ADAM10: variants seen among roughly 807,000 people sequenced by gnomAD.
ADAM10 encodes ADAM metallopeptidase domain 10.
Under a neutral mutation model 90.1 loss-of-function variants are expected in ADAM10, and 17 were observed. That is an observed-to-expected ratio of 0.19 (90% confidence interval 0.13 to 0.28). ADAM10 has a LOEUF of 0.28. Ranked by LOEUF, ADAM10 falls within the 10% of genes least tolerant of loss-of-function variation. The pLI, the probability that ADAM10 is intolerant of heterozygous loss-of-function variation, is 1.00. For synonymous variants in ADAM10, 310 were observed against 298.6 expected, an observed-to-expected ratio of 1.04 and a Z score of -0.40; for missense variants, 610 against 914.3, an observed-to-expected ratio of 0.67 and a Z score of 4.29.
At chr15:58,666,539 C>G (rs1315211856) in intron 4 of ADAM10, among the ~76,000 whole-genome samples, 1 of 151,848 alleles carries the variant, frequency 6.6e-6, no homozygotes, top group East Asian at 2.0e-4. Flanking sequence ...TAAAACTGAC[C>G]ATGCAAGCTG....
chr15:58,620,831 G>A (rs1895761652), intron 11 of ADAM10, among the ~76,000 whole-genome samples: 1 of 85,662 alleles, frequency 1.2e-5, no homozygotes, highest in Non-Finnish European at 1.9e-5. Context: ...ACCGCGCCCG[G>A]CTAATTTTTT....
chr15:58,723,475 A>T (rs565422285), intron 1 of ADAM10, among the ~76,000 whole-genome samples: 2 of 152,126 alleles, frequency 1.3e-5, no homozygotes, highest in South Asian at 4.1e-4. Context: ...ACCTGAGGTC[A>T]GGAGTTTGAG....
chr15:58,641,861 G>A (rs1896425747), intron 7 of ADAM10, among the ~76,000 whole-genome samples: 1 of 152,144 alleles, frequency 6.6e-6, no homozygotes, highest in Non-Finnish European at 1.5e-5. Flanking sequence ...ATGACATAAT[G>A]GTTGATACAA....
chr15:58,736,995 T>G (rs986055866), intron 1 of ADAM10, among the ~76,000 whole-genome samples: 2 of 151,926 alleles, frequency 1.3e-5, no homozygotes, highest in Non-Finnish European at 2.9e-5. Context: ...AAAAATCACA[T>G]GCAAGAGTGG....
chr15:58,647,418 A>T (rs999120341), intron 5 of ADAM10, among the ~76,000 whole-genome samples: 7 of 150,818 alleles, frequency 4.6e-5, no homozygotes, highest in Admixed American at 1.3e-4. Context: ...CTGCCACCAC[A>T]CCTGGCTAAT....
intron 5 of ADAM10, among the ~76,000 whole-genome samples, chr15:58,659,280 A>G (rs1156671800): frequency 1.4e-5 from 2 of 145,038 alleles, no homozygotes; most frequent in South Asian, 2.2e-4. Flanking sequence ...CTCAAAAAAG[A>G]AAAAAAAAAA....
At chr15:58,662,616 G>C (rs892827062) in intron 5 of ADAM10, among the ~76,000 whole-genome samples, 24 of 152,146 alleles carry the variant, frequency 1.6e-4, no homozygotes, top group African/African-American at 4.6e-4. Flanking sequence ...AAAGTGCTGG[G>C]ATTCACAGGC....
intron 8 of ADAM10, among the ~76,000 whole-genome samples, chr15:58,634,703 TAA>T (rs1241589900): frequency 6.6e-6 from 1 of 152,220 alleles, no homozygotes; most frequent in African/African-American, 2.4e-5. Flanking sequence ...TATTTATACT[TAA>T]AGTTTTCCCT....
chr15:58,678,638 C>T (rs1897349200), intron 4 of ADAM10, among the ~76,000 whole-genome samples: 1 of 152,072 alleles, frequency 6.6e-6, no homozygotes, highest in African/African-American at 2.4e-5. Flanking sequence ...CCATGATAAA[C>T]GTGGACTCTT....
intron 2 of ADAM10, among the ~76,000 whole-genome samples, chr15:58,701,806 T>TA (rs1898141451): frequency 6.6e-6 from 1 of 152,026 alleles, no homozygotes; most frequent in South Asian, 2.1e-4. Flanking sequence ...ATTTGACTAT[T>TA]AAAAATAATA....
At chr15:58,624,028 T>C (rs1895865918) in intron 10 of ADAM10, among the ~76,000 whole-genome samples, 1 of 150,024 alleles carries the variant, frequency 6.7e-6, no homozygotes, top group Admixed American at 6.6e-5. Context: ...CTCACGCCTG[T>C]AAATGCCAGC....
rs141123300 is a variant in ADAM10 at position 58,607,174 on chromosome 15, T to C, written c.2025+3123A>G. Among the ~76,000 whole-genome samples, 116 of 152,378 alleles carry C rather than the reference T, an allele frequency of 7.6e-4. 1 individual carries two copies. Among genetic ancestry groups the C allele is most frequent in the South Asian group, 1.2e-3 (6 of 4,830 alleles). On this transcript the variant is annotated intron_variant, in intron 14 of 15. Coordinates refer to ENST00000260408, the MANE Select transcript of ADAM10 (RefSeq NM_001110.4). The stretch of plus-strand genomic sequence containing the variant: ...ATAGTTTGCCAACCCCTGTTCTAGA[T>C]GAGTGGTTCTTAACCCTGGCTCCTC...
chr15:58,654,570 G>C lies in ADAM10; in HGVS notation c.586-8366C>G, dbSNP rs185598045. On this transcript the variant is annotated intron_variant, in intron 5 of 15. Transcript: ENST00000260408. ...ATTTTTAAACTGTTTGCAAAGAAAA[G>C]GTCTTACTATAGACCCCAGGCTGGT... Among the ~76,000 whole-genome samples, 71 of 152,206 alleles carry C rather than the reference G, an allele frequency of 4.7e-4. 1 individual carries two copies. In the East Asian group the frequency reaches 9.7e-3, roughly 21 times the overall value.
chr15:58,647,886 C>A (rs1340964248), intron 5 of ADAM10, among the ~76,000 whole-genome samples: 1 of 152,112 alleles, frequency 6.6e-6, no homozygotes, highest in Non-Finnish European at 1.5e-5. Context: ...ATTACCACTG[C>A]TATTGAATCC....
chr15:58,668,819 T>A (rs557422260), intron 4 of ADAM10, among the ~76,000 whole-genome samples: 1 of 152,238 alleles, frequency 6.6e-6, no homozygotes, highest in South Asian at 2.1e-4. Context: ...TTTCAGCCAG[T>A]ATGTGGTTTC....
At chr15:58,601,633 C>T (rs1025388886) in intron 14 of ADAM10, among the ~76,000 whole-genome samples, 1 of 152,094 alleles carries the variant, frequency 6.6e-6, no homozygotes, top group Non-Finnish European at 1.5e-5. Flanking sequence ...GAAATCAGGG[C>T]TGATACATTA....
intron 5 of ADAM10, among the ~76,000 whole-genome samples, chr15:58,659,333 C>T (rs925994467): frequency 6.6e-6 from 1 of 151,988 alleles, no homozygotes. Context: ...TAGTCTCTCA[C>T]TTTTAAGCAT....
rs116817451 is a variant in ADAM10 at position 58,607,914 on chromosome 15, C to T, written c.2025+2383G>A. On this transcript the variant is annotated intron_variant, in intron 14 of 15. Transcript: ENST00000260408. ...GAAATGAATTACCAATGCCCTCAAT[C>T]CCTAATTAAAGAAAAGGAGATGCTG... Among the ~76,000 whole-genome samples the T allele has an allele frequency of 8.6e-3, 1,311 of 152,074 alleles. 27 individuals are homozygous for T. The highest frequency in any genetic ancestry group is 0.03 in the African/African-American group (1,257 of 41,440).
rs187935949 is a variant in ADAM10, at chr15:58,632,571, T to G, written c.1176+625A>C. The stretch of plus-strand genomic sequence containing the variant: ...CCCTGAAGCCTAAAATGTTTACTAG[T>G]AGGCCCTTTACAGAAAATGTTTGCT... On this transcript the variant is annotated intron_variant, in intron 9 of 15. Coordinates refer to ENST00000260408, the MANE Select transcript of ADAM10 (RefSeq NM_001110.4). Among the ~76,000 whole-genome samples, 291 of 152,340 alleles carry G rather than the reference T, an allele frequency of 1.9e-3. 1 individual carries two copies. Among genetic ancestry groups the G allele is most frequent in the African/African-American group, 6.8e-3 (282 of 41,584 alleles).
Sources: allele counts gnomAD v4.1 joint callset (sites outside exome capture counted in the v4.1 genomes callset), GRCh38; gene constraint gnomAD v4.1.1; transcripts MANE v1.5; gene names NCBI Gene and HGNC (gene_info 2026-07-23, HGNC 2026-07-21).